RBM20: variants seen among roughly 807,000 people sequenced by gnomAD.
The protein encoded by RBM20 is RNA binding motif protein 20, also known as RNA-binding protein 20.
A neutral mutation model predicts 110.1 loss-of-function variants in RBM20; 51 were observed. The ratio of observed to expected loss-of-function variants is 0.46; its 90% CI spans 0.37 to 0.59. The LOEUF (loss-of-function observed/expected upper bound fraction) is 0.59. RBM20 is among the 20% of genes least tolerant of loss of function. RBM20 has a pLI of 0.00. For synonymous variants in RBM20, 589 were observed against 618.2 expected, an observed-to-expected ratio of 0.95 and a Z score of 0.70; for missense variants, 1,512 against 1,574.9, an observed-to-expected ratio of 0.96 and a Z score of 0.68.
chr10:110,695,671 T>A (rs767558754), intron 1 of RBM20, among the ~76,000 whole-genome samples: 3 of 152,254 alleles, frequency 2.0e-5, no homozygotes, highest in Non-Finnish European at 4.4e-5. Flanking sequence ...GGGAGTGGAC[T>A]TCACACACTT....
intron 7 of RBM20, among the ~76,000 whole-genome samples, chr10:110,803,107 C>A (rs897385110): frequency 6.6e-6 from 1 of 152,070 alleles, no homozygotes; most frequent in Admixed American, 6.5e-5. Context: ...AATTGAGTCC[C>A]GGTACTCTGG....
At chr10:110,736,004 G>T (rs921327248) in intron 1 of RBM20, among the ~76,000 whole-genome samples, 1 of 152,170 alleles carries the variant, frequency 6.6e-6, no homozygotes, top group African/African-American at 2.4e-5. Context: ...TAGGCGGTGG[G>T]CAGAACCAAC....
At chr10:110,798,851 G>A (rs1295288700) in intron 6 of RBM20, among the ~76,000 whole-genome samples, 1 of 152,132 alleles carries the variant, frequency 6.6e-6, no homozygotes, top group Non-Finnish European at 1.5e-5. Flanking sequence ...TATATTGTCA[G>A]TATAGTACAA....
At chr10:110,831,523 C>T (rs557836270) in intron 13 of RBM20, 1 of 197,082 alleles carries the variant, frequency 5.1e-6, no homozygotes, top group Non-Finnish European at 1.1e-5. Flanking sequence ...CAATATCCAC[C>T]TCTCCCTCTA....
At chr10:110,784,315 C>T (rs925334043) in intron 3 of RBM20, 26 bp from the exon 4 acceptor site, 40 of 1,496,074 alleles carry the variant, frequency 2.7e-5, no homozygotes, top group South Asian at 3.6e-5. Context: ...ATTAAGGAGC[C>T]GGTTTCCCTT....
chr10:110,645,621 A>T (rs915860964), intron 1 of RBM20, among the ~76,000 whole-genome samples: 2 of 152,284 alleles, frequency 1.3e-5, no homozygotes, highest in Non-Finnish European at 2.9e-5. Context: ...TGTAAATTTA[A>T]TAAAACTTAG....
chr10:110,745,089 G>A (rs1253999036), intron 1 of RBM20, among the ~76,000 whole-genome samples: 1 of 152,320 alleles, frequency 6.6e-6, no homozygotes, highest in South Asian at 2.1e-4. Context: ...GCAGTTGCTT[G>A]AATACAAACC....
chr10:110,782,300 C>T (rs763028312), intron 2 of RBM20, among the ~76,000 whole-genome samples: 5 of 152,098 alleles, frequency 3.3e-5, no homozygotes, highest in Non-Finnish European at 7.4e-5. Context: ...AATTTTGGAT[C>T]AGGGGAAACA....
chr10:110,715,021 GC>G (rs1862994759), intron 1 of RBM20, among the ~76,000 whole-genome samples: 1 of 152,216 alleles, frequency 6.6e-6, no homozygotes, highest in Admixed American at 6.5e-5. Context: ...GTCGAGGCAG[GC>G]AGATCACGTG....
intron 1 of RBM20, among the ~76,000 whole-genome samples, chr10:110,651,883 G>T (rs534628020): frequency 6.6e-6 from 1 of 152,214 alleles, no homozygotes; most frequent in Non-Finnish European, 1.5e-5. Flanking sequence ...ATCCTCCTGC[G>T]CTGGCAATAG....
intron 1 of RBM20, among the ~76,000 whole-genome samples, chr10:110,766,658 A>G (rs1320893679): frequency 7.9e-5 from 12 of 151,294 alleles, no homozygotes; most frequent in African/African-American, 2.9e-4. Context: ...TCACAGATCA[A>G]CAGGATCACA....
chr10:110,759,276 C>A (rs765266370), intron 1 of RBM20, among the ~76,000 whole-genome samples: 38 of 152,152 alleles, frequency 2.5e-4, no homozygotes, highest in African/African-American at 9.2e-4. Context: ...ATTCCACATA[C>A]AACTCCTCCA....
At chr10:110,830,270 TC>T (rs1321068443) in intron 12 of RBM20, among the ~76,000 whole-genome samples, 14 of 152,172 alleles carry the variant, frequency 9.2e-5, no homozygotes, top group African/African-American at 3.1e-4. Context: ...CAAGGATGAC[TC>T]CCCTGGCTGT....
chr10:110,665,291 C>T (rs1564809392), intron 1 of RBM20, among the ~76,000 whole-genome samples: 1 of 152,096 alleles, frequency 6.6e-6, no homozygotes, highest in Non-Finnish European at 1.5e-5. Context: ...GGCTACTAAG[C>T]TGTTAGGTGC....
intron 1 of RBM20, among the ~76,000 whole-genome samples, chr10:110,752,405 C>T (rs753006531): frequency 1.3e-5 from 2 of 152,144 alleles, no homozygotes; most frequent in African/African-American, 2.4e-5. Flanking sequence ...AATAATATCC[C>T]ATTGTCTGAA....
intron 1 of RBM20, among the ~76,000 whole-genome samples, chr10:110,680,165 T>C (rs572410742): frequency 6.6e-6 from 1 of 152,022 alleles, no homozygotes; most frequent in South Asian, 2.1e-4. Flanking sequence ...AGCAATTAGT[T>C]TGTTTGGCAA....
rs763101142 is a variant in RBM20 at position 110,781,780 on chromosome 10, G to A, written c.1171G>A (p.Val391Met). Residue 391 changes from valine (V) to methionine (M), a missense_variant, in exon 2 of 14, where the codon GTG becomes ATG. Coordinates refer to ENST00000369519, the MANE Select transcript of RBM20 (RefSeq NM_001134363.3). ...CAAGGAGGACCAGGCGTTGCTATCT[G>A]TGCGGCCCCTGCAGGCTCATGAGCT... ...RAKEDQALLS[V>M]RPLQAHELND... 6.9e-5 allele frequency: 107 copies of A among 1,551,828 alleles called. 1 individual carries two copies. The Middle Eastern group carries it at 1.5e-3, about 22-fold the overall frequency.
In RBM20 at chr10:110,836,958, T is replaced by C. The variant is rs909942224; in HGVS notation, c.*980T>C. 1 of 152,380 alleles carries C rather than the reference T, an allele frequency of 6.6e-6. No homozygotes were observed. The highest frequency in any genetic ancestry group is 1.5e-5 in the Non-Finnish European group (1 of 68,062). 9.4% of individuals were successfully genotyped at this position (152,380 alleles called of 1,614,324 possible). A position where few individuals can be genotyped will look rare whatever the true frequency, so the allele number is the denominator to read the frequency against. ...CCAGGCTGTGGAAAACAGAGTTGTC[T>C]TGGGGGTTAAATGAGCTTATTTAAG... is the stretch of plus-strand genomic sequence containing the variant. On this transcript the variant is annotated 3_prime_UTR_variant, in exon 14 of 14. Transcript: ENST00000369519.
chr10:110,726,939 T>C (rs1843566158), intron 1 of RBM20, among the ~76,000 whole-genome samples: 1 of 152,074 alleles, frequency 6.6e-6, no homozygotes, highest in Non-Finnish European at 1.5e-5. Flanking sequence ...CTCCGGCTCA[T>C]GGGTTCAAGC....
Sources: allele counts gnomAD v4.1 joint callset (sites outside exome capture counted in the v4.1 genomes callset), GRCh38; gene constraint gnomAD v4.1.1; transcripts MANE v1.5; gene names NCBI Gene and HGNC (gene_info 2026-07-23, HGNC 2026-07-21).